Variants in EVC2 observed in about 807,000 individuals in gnomAD.
EVC2 encodes EvC ciliary complex subunit 2, also known as limbin.
EVC2 carries 148 observed loss-of-function variants against 149.3 expected under a neutral mutation model. The observed-to-expected ratio is 0.99, with a 90% CI of 0.87 to 1.14. The LOEUF is 1.14. Among genes scored for constraint, EVC2 ranks in the 50% most tolerant of loss-of-function variants. EVC2 has a pLI of 0.00. For missense variants in EVC2, 1,854 were observed against 1,627.3 expected (o/e 1.14, Z -2.40); for synonymous variants, 776 against 649.9 (o/e 1.19, Z -2.95).
chr4:5,552,379 T>G (rs1721753787), intron 21 of EVC2, among the ~76,000 whole-genome samples: 1 of 152,242 alleles, frequency 6.6e-6, no homozygotes, highest in South Asian at 2.1e-4. Flanking sequence ...TAAATTTCCT[T>G]CCTGGTGTAC....
chr4:5,681,623 G>A (rs1417013541), intron 6 of EVC2, among the ~76,000 whole-genome samples: 1 of 152,326 alleles, frequency 6.6e-6, no homozygotes, highest in Non-Finnish European at 1.5e-5. Flanking sequence ...GACCAAGGCA[G>A]GTCACCTCCA....
rs1036371676 is a variant in EVC2, at chr4:5,568,642, T to C, written c.3361-2A>G. The C allele has an allele frequency of 3.1e-6, 5 of 1,606,566 alleles. No homozygotes were observed. Among genetic ancestry groups the C allele is most frequent in the African/African-American group, 1.3e-5 (1 of 74,888 alleles). On this transcript the variant is annotated splice_acceptor_variant, in intron 19 of 21. Transcript: ENST00000344408. LOFTEE classifies it high-confidence loss of function. ...CAGGTACGATGCCAGTCTCAGCTCC[T>C]ACAGGAAACAACAGAGGGAGTTCAG...
At chr4:5,641,509 G>A (rs924627716) in intron 9 of EVC2, among the ~76,000 whole-genome samples, 8 of 152,156 alleles carry the variant, frequency 5.3e-5, no homozygotes, top group African/African-American at 1.4e-4. Context: ...GAGGTAGTTC[G>A]CAGAGTCACG....
At chr4:5,611,422 C>G (rs377177695) in intron 16 of EVC2, among the ~76,000 whole-genome samples, 3 of 152,036 alleles carry the variant, frequency 2.0e-5, no homozygotes, top group African/African-American at 7.2e-5. Context: ...CATATTAGTA[C>G]AGTGTACTAA....
At chr4:5,607,097 G>C (rs2108817443) in intron 16 of EVC2, among the ~76,000 whole-genome samples, 1 of 152,156 alleles carries the variant, frequency 6.6e-6, no homozygotes, top group East Asian at 1.9e-4. Context: ...TTGTGTCTGG[G>C]AATCACCATA....
At chr4:5,700,956 T>C (rs1269806567) in intron 1 of EVC2, among the ~76,000 whole-genome samples, 1 of 152,264 alleles carries the variant, frequency 6.6e-6, no homozygotes, top group African/African-American at 2.4e-5. Context: ...AGTGGCTTAA[T>C]ACACATTTAT....
intron 16 of EVC2, among the ~76,000 whole-genome samples, chr4:5,590,635 T>G (rs937363670): frequency 1.2e-4 from 19 of 152,132 alleles, no homozygotes; most frequent in Non-Finnish European, 2.9e-5. Flanking sequence ...CACAGAGTGG[T>G]TCAGGACAGT....
intron 10 of EVC2, among the ~76,000 whole-genome samples, chr4:5,635,611 C>T (rs1301779183): frequency 2.0e-5 from 3 of 152,200 alleles, no homozygotes; most frequent in South Asian, 2.1e-4. Flanking sequence ...AGTGAAATCA[C>T]GCTCGAAAGT....
At chr4:5,665,279 C>T (rs907663415) in intron 8 of EVC2, among the ~76,000 whole-genome samples, 6 of 152,040 alleles carry the variant, frequency 3.9e-5, no homozygotes, top group Non-Finnish European at 7.4e-5. Flanking sequence ...CTAGGAATCG[C>T]CACTGGACTC....
At chr4:5,698,690 A>G (rs923914860) in intron 1 of EVC2, among the ~76,000 whole-genome samples, 21 of 152,212 alleles carry the variant, frequency 1.4e-4, no homozygotes, top group Admixed American at 9.2e-4. Flanking sequence ...GAAATGCATG[A>G]AGCATTATAC....
chr4:5,543,693 A>T (rs1721560115), intron 21 of EVC2, among the ~76,000 whole-genome samples: 2 of 152,030 alleles, frequency 1.3e-5, no homozygotes, highest in South Asian at 4.2e-4. Flanking sequence ...GGGGTGGGGG[A>T]TAATAGGGAA....
chr4:5,642,249 G>C (rs1292414661), intron 9 of EVC2, among the ~76,000 whole-genome samples: 1 of 152,126 alleles, frequency 6.6e-6, no homozygotes, highest in Non-Finnish European at 1.5e-5. Flanking sequence ...CTTTATAGTA[G>C]AAGGTCATCA....
intron 21 of EVC2, among the ~76,000 whole-genome samples, chr4:5,556,033 G>T (rs1721831881): frequency 6.6e-6 from 1 of 151,820 alleles, no homozygotes. Flanking sequence ...CAAAAAATTA[G>T]CCGGGCATGG....
At chr4:5,704,160 C>T (rs985895631) in intron 1 of EVC2, among the ~76,000 whole-genome samples, 1 of 152,124 alleles carries the variant, frequency 6.6e-6, no homozygotes, top group Admixed American at 6.6e-5. Context: ...CAGAGAAGTA[C>T]TCAAGGGGAG....
In EVC2 at chr4:5,547,032, A is replaced by C. The variant is rs1721635201; in HGVS notation, c.3420-3820T>G. On this transcript the variant is annotated intron_variant and NMD_transcript_variant, in intron 21 of 22. Coordinates refer to the EVC2 transcript ENST00000475313. ...CCACAGCTACAGCCTCCCAAACCAC[A>C]GCTGCAGACTCAGGAATCTCTGCAC... 2.0e-5 allele frequency among the ~76,000 whole-genome samples: 3 copies of C among 152,288 alleles called. No individual in the cohort carries two copies. In the South Asian group the frequency reaches 6.2e-4, roughly 32 times the overall value.
In EVC2 at chr4:5,686,949, G is replaced by A. The variant is rs7687701; in HGVS notation, c.707-1470C>T. Among the ~76,000 whole-genome samples the A allele has an allele frequency of 0.93, 141,606 of 152,206 alleles. 65,991 individuals carry two copies. The highest frequency in any genetic ancestry group is 0.97 in the African/African-American group (40,438 of 41,562). ...GGGCATAAATAACAAGAATGGAGCAGTAAGAATAAAAATAACAACAACAGT... is the reference window on the plus strand; with the variant it reads ...GGGCATAAATAACAAGAATGGAGCAATAAGAATAAAAATAACAACAACAGT... On this transcript the variant is annotated intron_variant, in intron 5 of 21. Transcript: ENST00000344408. The surrounding 1 kb of genome is among the most constrained non-coding windows in gnomAD (Gnocchi z 5.4).
intron 1 of EVC2, among the ~76,000 whole-genome samples, chr4:5,700,695 G>T (rs1185529862): frequency 6.6e-6 from 1 of 152,080 alleles, no homozygotes; most frequent in African/African-American, 2.4e-5. Context: ...CCTCTCTGGG[G>T]ACTCCAGCCA....
chr4:5,569,058 A>T lies in EVC2; in HGVS notation c.3361-418T>A. 6.6e-6 allele frequency among the ~76,000 whole-genome samples: 1 copy of T among 152,142 alleles called. No homozygotes were observed. Among genetic ancestry groups the T allele is most frequent in the East Asian group, 1.9e-4 (1 of 5,182 alleles). On this transcript the variant is annotated intron_variant, in intron 19 of 21. Transcript: ENST00000344408. The surrounding 1 kb of genome is among the most constrained non-coding windows in gnomAD (Gnocchi z 4.8). ...TGGACAATTGAAGACACTGTGCTAT[A>T]CCCATGCCACAGGATACCACTCTGC...
chr4:5,689,934 C>G (rs1720995149), intron 4 of EVC2, among the ~76,000 whole-genome samples: 1 of 152,218 alleles, frequency 6.6e-6, no homozygotes. Context: ...CCCAGCCCTC[C>G]TGCACCAGCT....
Sources: gnomAD v4.1 joint callset for allele counts (sites outside exome capture counted in the v4.1 genomes callset) on GRCh38, gnomAD v4.1.1 for gene constraint, Gnocchi (gnomAD v3.1) non-coding constraint, MANE v1.5 for transcripts, NCBI Gene and HGNC (gene_info 2026-07-23, HGNC 2026-07-21) for gene names.